Variants in DYSF observed in about 807,000 individuals in gnomAD.
DYSF encodes the protein dysferlin.
DYSF carries 212 observed loss-of-function variants against 274.9 expected under a neutral mutation model. That is an observed-to-expected ratio of 0.77 (90% CI 0.69 to 0.86). The LOEUF (loss-of-function observed/expected upper bound fraction) is 0.86, where lower values mean the gene tolerates loss of function less well. Among genes scored for constraint, DYSF ranks in the 40% least tolerant of loss-of-function variants. DYSF has a pLI of 0.00. For missense variants in DYSF, 2,666 were observed against 2,783.2 expected (o/e 0.96, Z 0.95); for synonymous variants, 1,091 against 1,078.7 (o/e 1.01, Z -0.22).
rs545741086 is a variant in DYSF at position 71,559,382 on chromosome 2, GTCCTTCC to G, written c.2217-2361_2217-2355del. Reference sequence around the variant, plus strand: ...GCCCTGGTGGCTCTGCCTCACCCATGTCCTTCCTCCTTCCTTCCTCTCCCACCCCTCC... The same window carrying G: ...GCCCTGGTGGCTCTGCCTCACCCATGTCCTTCCTTCCTCTCCCACCCCTCC... On this transcript the variant is annotated intron_variant, in intron 22 of 55. Transcript: ENST00000410020. Among the ~76,000 whole-genome samples the G allele has an allele frequency of 2.0e-3, 308 of 152,194 alleles. 1 individual carries two copies. Among genetic ancestry groups the G allele is most frequent in the African/African-American group, 6.6e-3 (274 of 41,526 alleles).
intron 13 of DYSF, 72 bp downstream of exon 13, chr2:71,526,418 T>TGGGGGGGGTGTG: frequency 3.8e-6 from 1 of 261,506 alleles, no homozygotes; most frequent in Non-Finnish European, 7.0e-6. Flanking sequence ...GGGTGGGCGA[T>TGGGGGGGGTGTG]GGCGGGCGGG....
At chr2:71,650,813 A>G (rs993064369) in intron 42 of DYSF, among the ~76,000 whole-genome samples, 1 of 152,240 alleles carries the variant, frequency 6.6e-6, no homozygotes, top group African/African-American at 2.4e-5. Context: ...CAGAAAGCAC[A>G]GAACATCTAG....
At chr2:71,571,280 CA>C (rs2092419605) in intron 29 of DYSF, among the ~76,000 whole-genome samples, 1 of 148,354 alleles carries the variant, frequency 6.7e-6, no homozygotes, top group South Asian at 2.2e-4. Context: ...AGCACACCCA[CA>C]GTTCACACCT....
chr2:71,457,757 GGCAAGCTCACA>G (rs2081128625), intron 1 of DYSF, among the ~76,000 whole-genome samples: 1 of 152,172 alleles, frequency 6.6e-6, no homozygotes. Flanking sequence ...TCTCGTTCCG[GGCAAGCTCACA>G]GCTCTGACAG....
At chr2:71,601,634 C>T in intron 35 of DYSF, 106 bp downstream of exon 35, 1 of 1,473,544 alleles carries the variant, frequency 6.8e-7, no homozygotes, top group Non-Finnish European at 9.5e-7. Flanking sequence ...GCGATCCTGC[C>T]TCAAGCCCCC....
chr2:71,618,510 A>G (rs956453317), intron 40 of DYSF, among the ~76,000 whole-genome samples: 8,116 of 66,402 alleles, frequency 0.12, 1 homozygote, highest in Non-Finnish European at 0.14. Flanking sequence ...TGTGTTTGGT[A>G]GAGGTGTGTG....
chr2:71,653,181 G>C (rs1026215734), intron 42 of DYSF, among the ~76,000 whole-genome samples: 8 of 152,302 alleles, frequency 5.3e-5, no homozygotes, highest in Middle Eastern at 3.4e-3. Flanking sequence ...AGAGAATGTG[G>C]AGAAATAGGA....
At chr2:71,476,559 G>T (rs192674144) in intron 1 of DYSF, among the ~76,000 whole-genome samples, 157 of 151,532 alleles carry the variant, frequency 1.0e-3, no homozygotes, top group Admixed American at 5.1e-3. Context: ...AAAAAAAAAG[G>T]CCTTGGCACT....
intron 51 of DYSF, among the ~76,000 whole-genome samples, chr2:71,673,675 T>A (rs13024390): frequency 6.6e-6 from 1 of 151,810 alleles, no homozygotes; most frequent in Admixed American, 6.6e-5. Flanking sequence ...AGAGCAGGAC[T>A]CTGGAACCCA....
At chr2:71,561,506 A>G (rs2091752895) in intron 22 of DYSF, among the ~76,000 whole-genome samples, 1 of 152,140 alleles carries the variant, frequency 6.6e-6, no homozygotes, top group Non-Finnish European at 1.5e-5. Flanking sequence ...CAGTCCTGGA[A>G]TCGAGGGCTG....
At chr2:71,501,837 G>A (rs1182159651) in intron 3 of DYSF, among the ~76,000 whole-genome samples, 1 of 152,174 alleles carries the variant, frequency 6.6e-6, no homozygotes, top group East Asian at 1.9e-4. Flanking sequence ...CTTGGCTATT[G>A]TGAATAATAC....
intron 32 of DYSF, among the ~76,000 whole-genome samples, chr2:71,593,572 G>T (rs1042503717): frequency 6.6e-6 from 1 of 152,178 alleles, no homozygotes; most frequent in African/African-American, 2.4e-5. Context: ...ACCTAGCTCC[G>T]TCCTGCCCAC....
chr2:71,657,848 G>A (rs1402051086), intron 43 of DYSF, among the ~76,000 whole-genome samples: 33 of 152,160 alleles, frequency 2.2e-4, no homozygotes, highest in Non-Finnish European at 2.9e-5. Flanking sequence ...GGGCTTCTGG[G>A]CCTGTGATGG....
At position 71,515,392 on chromosome 2, in the gene DYSF, C is replaced by T. The variant is rs747138776; in HGVS notation, c.760-231C>T. 1.5e-4 allele frequency among the ~76,000 whole-genome samples: 23 copies of T among 152,130 alleles called. 1 individual carries two copies. Among genetic ancestry groups the T allele is most frequent in the Admixed American group, 9.8e-4 (15 of 15,288 alleles). On this transcript the variant is annotated intron_variant, in intron 7 of 55. Coordinates refer to ENST00000410020, the MANE Select transcript of DYSF (RefSeq NM_001130987.2). Reference sequence around the variant, plus strand: ...CCTGGGGTTTAATGTGGGTAGCCGACGAGGGGCAGCCTGGCAGCTCTTCTA... The same window carrying T: ...CCTGGGGTTTAATGTGGGTAGCCGATGAGGGGCAGCCTGGCAGCTCTTCTA...
intron 3 of DYSF, among the ~76,000 whole-genome samples, chr2:71,500,739 C>T (rs2084896993): frequency 6.6e-6 from 1 of 152,066 alleles, no homozygotes; most frequent in African/African-American, 2.4e-5. Flanking sequence ...GCTGGAGCTC[C>T]AGCTGCCATG....
chr2:71,639,785 T>C (rs1423365741), intron 41 of DYSF, among the ~76,000 whole-genome samples: 1 of 152,224 alleles, frequency 6.6e-6, no homozygotes, highest in Non-Finnish European at 1.5e-5. Flanking sequence ...TTTTAGGCTA[T>C]GGAAACGTGC....
At chr2:71,574,608 A>G (rs1397788528) in intron 30 of DYSF, among the ~76,000 whole-genome samples, 1 of 152,198 alleles carries the variant, frequency 6.6e-6, no homozygotes, top group Non-Finnish European at 1.5e-5. Flanking sequence ...TGCTGCTACT[A>G]CTTTGAGGTG....
intron 22 of DYSF, among the ~76,000 whole-genome samples, 161 bp from the exon 23 acceptor site, chr2:71,561,591 A>G (rs2091759635): frequency 6.6e-6 from 1 of 152,168 alleles, no homozygotes; most frequent in Non-Finnish European, 1.5e-5. Context: ...GGTGGAGCAC[A>G]TCACATAGAG....
intron 6 of DYSF, 98 bp from the exon 7 acceptor site, chr2:71,513,618 T>A (rs2086332436): frequency 1.6e-6 from 2 of 1,256,672 alleles, no homozygotes; most frequent in African/African-American, 3.0e-5. Context: ...TTAGGGCCCA[T>A]GCCTTTTGGA....
Sources: allele counts gnomAD v4.1 joint callset (sites outside exome capture counted in the v4.1 genomes callset), GRCh38; gene constraint gnomAD v4.1.1; transcripts MANE v1.5; gene names NCBI Gene and HGNC (gene_info 2026-07-23, HGNC 2026-07-21).